Variants in RBFOX1 observed in about 807,000 individuals in gnomAD.
RBFOX1 encodes the protein RNA binding protein fox-1 homolog 1.
In RBFOX1, 8 loss-of-function variants were observed where a neutral mutation model predicts 57.7. The observed-to-expected ratio is 0.14, with a 90% confidence interval of 0.08 to 0.25. The LOEUF is 0.25. Among genes scored for constraint, RBFOX1 ranks in the 10% least tolerant of loss-of-function variants. The pLI, the probability that RBFOX1 is intolerant of heterozygous loss-of-function variation, is 1.00. For synonymous variants in RBFOX1, 326 were observed against 222.4 expected (o/e 1.47, Z -4.15); for missense variants, 611 against 548.5 (o/e 1.11, Z -1.14).
chr16:5,767,607 C>G (rs913361915), intron 3 of RBFOX1, among the ~76,000 whole-genome samples: 6 of 152,202 alleles, frequency 3.9e-5, no homozygotes, highest in Non-Finnish European at 7.3e-5. Context: ...TTGTCACACG[C>G]CTTCCAAGGA....
At position 6,097,968 on chromosome 16, in the gene RBFOX1, T is replaced by A. The variant is rs2096264822; in HGVS notation, c.-127+77976T>A. 6.6e-6 allele frequency among the ~76,000 whole-genome samples: 1 copy of A among 152,114 alleles called. No individual in the cohort carries two copies. On this transcript the variant is annotated intron_variant, in intron 1 of 15. Coordinates refer to ENST00000550418, the MANE Select transcript of RBFOX1 (RefSeq NM_018723.4). This position sits in a 1 kb window ranked among gnomAD's most constrained non-coding sequence, Gnocchi z 5.0. ...ACCATAGATGATCAGGGCCCCTGCTTGGTCTAGGATGGAGCCTGCAATTTT... is the reference window on the plus strand; with the variant it reads ...ACCATAGATGATCAGGGCCCCTGCTAGGTCTAGGATGGAGCCTGCAATTTT...
chr16:7,565,945 G>A (rs1250622805), intron 5 of RBFOX1, among the ~76,000 whole-genome samples: 1 of 152,130 alleles, frequency 6.6e-6, no homozygotes, highest in Non-Finnish European at 1.5e-5. Context: ...GATGCTCGTG[G>A]ATGAAGCAGC....
At chr16:7,572,262 T>C (rs927962675) in intron 5 of RBFOX1, among the ~76,000 whole-genome samples, 2 of 152,210 alleles carry the variant, frequency 1.3e-5, no homozygotes, top group African/African-American at 4.8e-5. Context: ...AGTATACATT[T>C]ATCATTTTAT....
intron 2 of RBFOX1, among the ~76,000 whole-genome samples, chr16:5,475,980 T>C (rs2069307759): frequency 6.6e-6 from 1 of 152,118 alleles, no homozygotes. Flanking sequence ...TCTGTCAGAA[T>C]TACTGCTGCC....
intron 1 of RBFOX1, among the ~76,000 whole-genome samples, chr16:6,035,651 G>A (rs1055926889): frequency 6.6e-6 from 1 of 152,154 alleles, no homozygotes; most frequent in African/African-American, 2.4e-5. Context: ...CCAGCTCCCT[G>A]CACGTGGCAG....
At chr16:5,747,045 G>A (rs562778543) in intron 3 of RBFOX1, among the ~76,000 whole-genome samples, 1 of 151,036 alleles carries the variant, frequency 6.6e-6, no homozygotes, top group African/African-American at 2.4e-5. Flanking sequence ...CTTCTAGGAT[G>A]GGAATGCATC....
At chr16:6,602,090 A>T (rs542211964) in intron 2 of RBFOX1, among the ~76,000 whole-genome samples, 1 of 152,072 alleles carries the variant, frequency 6.6e-6, no homozygotes, top group Non-Finnish European at 1.5e-5. Flanking sequence ...TTATTCCCTA[A>T]GTTGTTTATT....
intron 1 of RBFOX1, among the ~76,000 whole-genome samples, chr16:6,162,395 G>GT (rs2096886331): frequency 6.6e-6 from 1 of 152,148 alleles, no homozygotes; most frequent in African/African-American, 2.4e-5. Flanking sequence ...GATTACTGTC[G>GT]TGAGCCACTG....
chr16:7,580,013 G>T, intron 6 of RBFOX1, 93 bp downstream of exon 6: 3 of 1,386,848 alleles, frequency 2.2e-6, no homozygotes, highest in East Asian at 2.3e-5. Context: ...CAATACTAAG[G>T]TTAGATGTTT....
chr16:7,387,695 G>T (rs1032133436), intron 4 of RBFOX1, among the ~76,000 whole-genome samples: 1 of 152,156 alleles, frequency 6.6e-6, no homozygotes, highest in Admixed American at 6.5e-5. Context: ...GAGTGGTGTC[G>T]GTGGCAGCTG....
At position 6,899,030 on chromosome 16, in the gene RBFOX1, TATA is replaced by T. The variant is rs747633433; in HGVS notation, c.-15-153024_-15-153022del. ...ATGCATGCGCGTCTCTGTGTGTGTG[TATA>T]ATGTGTGTATGCATGTGTATGTATA... On this transcript the variant is annotated intron_variant, in intron 3 of 15. Transcript: ENST00000550418. Among the ~76,000 whole-genome samples the T allele has an allele frequency of 8.3e-4, 122 of 147,016 alleles. 1 individual carries two copies. In the East Asian group the frequency reaches 0.015, roughly 18 times the overall value.
intron 1 of RBFOX1, among the ~76,000 whole-genome samples, chr16:5,240,532 C>T (rs1274326130): frequency 1.3e-5 from 2 of 152,194 alleles, no homozygotes; most frequent in Non-Finnish European, 2.9e-5. Flanking sequence ...CTTGGCCAAG[C>T]CCTGCTCTGC....
At chr16:5,392,178 C>T (rs1474931527) in intron 1 of RBFOX1, among the ~76,000 whole-genome samples, 1 of 152,036 alleles carries the variant, frequency 6.6e-6, no homozygotes, top group African/African-American at 2.4e-5. Flanking sequence ...AAATTGGGTT[C>T]ATTATGTACT....
chr16:6,779,588 C>G (rs890640525), intron 3 of RBFOX1, among the ~76,000 whole-genome samples: 1 of 148,480 alleles, frequency 6.7e-6, no homozygotes, highest in Non-Finnish European at 1.5e-5. Flanking sequence ...GAAGAACCTC[C>G]ATACTATTCT....
intron 7 of RBFOX1, among the ~76,000 whole-genome samples, chr16:7,589,247 GT>G (rs938668524): frequency 6.6e-6 from 1 of 152,084 alleles, no homozygotes; most frequent in Non-Finnish European, 1.5e-5. Context: ...TGTTGTTGTT[GT>G]TTTTTAATAT....
At chr16:6,897,929 C>A (rs986697017) in intron 3 of RBFOX1, among the ~76,000 whole-genome samples, 1 of 152,160 alleles carries the variant, frequency 6.6e-6, no homozygotes, top group South Asian at 2.1e-4. Flanking sequence ...CACGAGCTAC[C>A]CTCTGTGTCT....
At chr16:6,730,349 A>G (rs1476750284) in intron 3 of RBFOX1, among the ~76,000 whole-genome samples, 1 of 151,958 alleles carries the variant, frequency 6.6e-6, no homozygotes, top group East Asian at 1.9e-4. Context: ...AATACATTAT[A>G]TAGTAAGCAG....
intron 4 of RBFOX1, among the ~76,000 whole-genome samples, chr16:7,465,156 C>A (rs561534823): frequency 6.6e-6 from 1 of 152,116 alleles, no homozygotes; most frequent in Non-Finnish European, 1.5e-5. Context: ...TTTACTTTTT[C>A]CACCTAGAAT....
chr16:5,844,078 G>C (rs1240569654), intron 3 of RBFOX1, among the ~76,000 whole-genome samples: 2 of 152,226 alleles, frequency 1.3e-5, no homozygotes, highest in African/African-American at 2.4e-5. Context: ...GGATGGTCTA[G>C]TGATGGTTTG....
Sources: allele counts gnomAD v4.1 joint callset (sites outside exome capture counted in the v4.1 genomes callset), GRCh38; gene constraint gnomAD v4.1.1; non-coding constraint Gnocchi (gnomAD v3.1); transcripts MANE v1.5; gene names NCBI Gene and HGNC (gene_info 2026-07-23, HGNC 2026-07-21).